The following ADCY1 variants were observed in gnomAD, a reference collection of about 807,000 sequenced individuals.
ADCY1 encodes the protein adenylate cyclase 1, also known as adenylate cyclase type 1.
ADCY1 carries 28 observed loss-of-function variants against 105.4 expected under a neutral mutation model. That is an observed-to-expected ratio of 0.27 (90% CI 0.20 to 0.36). ADCY1 has a LOEUF of 0.36. Among genes scored for constraint, ADCY1 ranks in the 10% least tolerant of loss-of-function variants. ADCY1 has a pLI of 1.00. For synonymous variants in ADCY1, 655 were observed against 623.8 expected (o/e 1.05, Z -0.75); for missense variants, 977 against 1,434.2 (o/e 0.68, Z 5.15).
Position 45,653,662 on chromosome 7 carries a change from G to T in ADCY1, c.1149-4065G>T, listed in dbSNP as rs528907608. ...AACCCCTCCCTGGGGCCTGGCTTGG[G>T]GGATACTCAGGTTTGAGTCCCTCTC... On this transcript the variant is annotated intron_variant, in intron 5 of 19. Coordinates refer to ENST00000297323, the MANE Select transcript of ADCY1 (RefSeq NM_021116.4). 1.7e-4 allele frequency among the ~76,000 whole-genome samples: 26 copies of T among 152,268 alleles called. No homozygotes were observed. The East Asian group carries it at 3.5e-3, about 20-fold the overall frequency.
At chr7:45,642,353 G>A (rs769427320) in intron 4 of ADCY1, among the ~76,000 whole-genome samples, 38 of 152,210 alleles carry the variant, frequency 2.5e-4, no homozygotes, top group Non-Finnish European at 2.8e-4. Flanking sequence ...GCAGGTAGGT[G>A]AGAATTAGAT....
chr7:45,575,215 C>G lies in ADCY1; in HGVS notation c.639+33C>G, dbSNP rs771168252. On this transcript the variant is annotated intron_variant, in intron 1 of 19. Transcript: ENST00000297323. This position sits in a 1 kb window ranked among gnomAD's most constrained non-coding sequence, Gnocchi z 4.7. ...CAGCCGCGCACCCCTCATCTGGTCT[C>G]GGACACACTTGCTGGGACGATGCTG... is the stretch of plus-strand genomic sequence containing the variant. 3 of 1,543,472 alleles carry G rather than the reference C, an allele frequency of 1.9e-6. No homozygotes were observed. The highest frequency in any genetic ancestry group is 2.8e-5 in the African/African-American group (2 of 72,546).
At chr7:45,642,612 G>A (rs768406466) in intron 4 of ADCY1, among the ~76,000 whole-genome samples, 3 of 152,102 alleles carry the variant, frequency 2.0e-5, no homozygotes, top group Non-Finnish European at 2.9e-5. Context: ...TGTTGTTGTT[G>A]TTGTTTTAAT....
chr7:45,690,102 T>G (rs1784759328), intron 14 of ADCY1, among the ~76,000 whole-genome samples: 1 of 152,158 alleles, frequency 6.6e-6, no homozygotes, highest in South Asian at 2.1e-4. Flanking sequence ...ACAGGGGCCC[T>G]GAGGAAAGCA....
intron 4 of ADCY1, among the ~76,000 whole-genome samples, chr7:45,631,794 A>G (rs1794266299): frequency 6.6e-6 from 1 of 152,240 alleles, no homozygotes; most frequent in Admixed American, 6.5e-5. Context: ...TTTGCCAGCT[A>G]TCTAAGCCAA....
chr7:45,710,443 G>A lies in ADCY1; in HGVS notation c.2933-85G>A. The A allele has an allele frequency of 6.5e-7, 1 of 1,542,752 alleles. No individual in the cohort carries two copies. The highest frequency in any genetic ancestry group is 1.4e-5 in the African/African-American group (1 of 72,918). ...AGGAGCAGCCTTTTCTCCACCAGGA[G>A]CAGCATCAGGTGCATTTGGTGGCCC... On this transcript the variant is annotated intron_variant, in intron 18 of 19. Transcript: ENST00000297323. This position sits in a 1 kb window ranked among gnomAD's most constrained non-coding sequence, Gnocchi z 4.7.
chr7:45,677,841 T>C, intron 8 of ADCY1, 28 bp from the exon 9 acceptor site: 1 of 1,601,122 alleles, frequency 6.2e-7, no homozygotes, highest in East Asian at 2.2e-5. Context: ...AATTTGATGA[T>C]ACTCCTTTAT....
At chr7:45,628,562 C>G (rs964954839) in intron 4 of ADCY1, among the ~76,000 whole-genome samples, 1 of 152,168 alleles carries the variant, frequency 6.6e-6, no homozygotes, top group Non-Finnish European at 1.5e-5. Flanking sequence ...AGGAGGCACC[C>G]CTGCCCTTCC....
chr7:45,684,486 A>G (rs1278540081), intron 11 of ADCY1: 2 of 152,342 alleles, frequency 1.3e-5, no homozygotes, highest in South Asian at 4.1e-4. Context: ...GACTTCTTTT[A>G]TCCGTGAAAT....
In ADCY1 at chr7:45,599,181, C is replaced by T. The variant is rs565911483; in HGVS notation, c.789+6273C>T. Among the ~76,000 whole-genome samples, 349 of 152,254 alleles carry T rather than the reference C, an allele frequency of 2.3e-3. 1 individual carries two copies. The highest frequency in any genetic ancestry group is 8.0e-3 in the African/African-American group (332 of 41,548). On this transcript the variant is annotated intron_variant, in intron 2 of 19. Coordinates refer to ENST00000297323, the MANE Select transcript of ADCY1 (RefSeq NM_021116.4). ...GCTCTAGAATGCTCCCAGCTCCCAA[C>T]TTGTTGGTCATATGGCCTCCTGGAG...
At chr7:45,619,079 G>A (rs1793819875) in intron 3 of ADCY1, among the ~76,000 whole-genome samples, 1 of 152,138 alleles carries the variant, frequency 6.6e-6, no homozygotes, top group African/African-American at 2.4e-5. Flanking sequence ...TGTTCCCAGG[G>A]GATGTTATAT....
chr7:45,698,614 C>T (rs529476332), intron 14 of ADCY1, among the ~76,000 whole-genome samples: 2 of 152,252 alleles, frequency 1.3e-5, no homozygotes, highest in South Asian at 4.1e-4. Flanking sequence ...AGCCGGGGGC[C>T]CTGGTGTTCA....
At chr7:45,653,121 T>C (rs1794854238) in intron 5 of ADCY1, among the ~76,000 whole-genome samples, 1 of 152,228 alleles carries the variant, frequency 6.6e-6, no homozygotes, top group Non-Finnish European at 1.5e-5. Context: ...GGTTCCTGTC[T>C]ATAGGAGAGA....
chr7:45,692,952 G>T (rs1198214258), intron 14 of ADCY1, among the ~76,000 whole-genome samples: 2 of 152,178 alleles, frequency 1.3e-5, no homozygotes, highest in African/African-American at 4.8e-5. Context: ...ATGTTAGCGG[G>T]TAATAAAGGG....
At position 45,662,242 on chromosome 7, in the gene ADCY1, C is replaced by T. The variant is rs781504605; in HGVS notation, c.1605+28C>T. The T allele has an allele frequency of 3.1e-6, 5 of 1,602,414 alleles. No homozygotes were observed. In the African/African-American group the frequency reaches 5.4e-5, roughly 17 times the overall value. On this transcript the variant is annotated intron_variant, in intron 8 of 19. Transcript: ENST00000297323. ...AGGAGCAGCCAGGGAGCCTGCCATGCTGGAGCTGCCAGGGACTGATCTCTG... is the reference window on the plus strand; with the variant it reads ...AGGAGCAGCCAGGGAGCCTGCCATGTTGGAGCTGCCAGGGACTGATCTCTG...
At chr7:45,660,841 G>A (rs1401313299) in intron 7 of ADCY1, among the ~76,000 whole-genome samples, 1 of 149,548 alleles carries the variant, frequency 6.7e-6, no homozygotes, top group East Asian at 2.0e-4. Context: ...GCAGGGCTTA[G>A]GTGAGGGTTC....
chr7:45,623,091 G>A (rs999370538), intron 4 of ADCY1, among the ~76,000 whole-genome samples: 4 of 152,316 alleles, frequency 2.6e-5, no homozygotes, highest in African/African-American at 9.6e-5. Flanking sequence ...GACAGAGCTG[G>A]TGTTGCAATC....
At chr7:45,666,927 T>G in intron 8 of ADCY1, among the ~76,000 whole-genome samples, 1 of 152,268 alleles carries the variant, frequency 6.6e-6, no homozygotes, top group Non-Finnish European at 1.5e-5. Context: ...AAATGTCTTC[T>G]TTTGAGAAGT....
At chr7:45,655,293 T>G (rs1794907855) in intron 5 of ADCY1, among the ~76,000 whole-genome samples, 1 of 152,174 alleles carries the variant, frequency 6.6e-6, no homozygotes. Context: ...TCCTTCCTGT[T>G]GGGGTCCAGC....
Sources: gnomAD v4.1 joint callset for allele counts (sites outside exome capture counted in the v4.1 genomes callset) on GRCh38, gnomAD v4.1.1 for gene constraint, Gnocchi (gnomAD v3.1) non-coding constraint, MANE v1.5 for transcripts, NCBI Gene and HGNC (gene_info 2026-07-23, HGNC 2026-07-21) for gene names.